The following AFF3 variants were observed in gnomAD, a reference collection of about 807,000 sequenced individuals.
AFF3 encodes ALF transcription elongation factor 3, also known as AF4/FMR2 family member 3.
A neutral mutation model predicts 129.7 loss-of-function variants in AFF3; 32 were observed. That is an observed-to-expected ratio of 0.25 (90% confidence interval 0.19 to 0.33). The LOEUF is 0.33. Ranked by LOEUF, AFF3 falls within the 10% of genes least tolerant of loss-of-function variation. The probability of loss-of-function intolerance (pLI) is 1.00; values close to 1 mark genes in which losing one functional copy is unlikely to be tolerated. For missense variants in AFF3, 1,373 were observed against 1,592.0 expected, an observed-to-expected ratio of 0.86 and a Z score of 2.34; for synonymous variants, 644 against 635.4, an observed-to-expected ratio of 1.01 and a Z score of -0.20.
chr2:99,866,524 C>A (rs1192080603), intron 7 of AFF3, among the ~76,000 whole-genome samples: 2 of 151,710 alleles, frequency 1.3e-5, no homozygotes, highest in Non-Finnish European at 2.9e-5. Context: ...GAAACTGCCA[C>A]CATCATCACC....
At chr2:99,681,919 T>TG (rs1183822572) in intron 11 of AFF3, among the ~76,000 whole-genome samples, 1 of 151,378 alleles carries the variant, frequency 6.6e-6, no homozygotes, top group Non-Finnish European at 1.5e-5. Flanking sequence ...TTTTTTTTTT[T>TG]TTTTTGAGAC....
chr2:99,713,702 A>ATT (rs568894995), intron 11 of AFF3, among the ~76,000 whole-genome samples: 1 of 144,248 alleles, frequency 6.9e-6, no homozygotes. Flanking sequence ...TAGACTCCCT[A>ATT]TTTTTTTTTT....
intron 7 of AFF3, among the ~76,000 whole-genome samples, chr2:99,991,036 C>G (rs923024174): frequency 6.6e-6 from 1 of 152,118 alleles, no homozygotes; most frequent in African/African-American, 2.4e-5. Context: ...CCAACCTTCA[C>G]GAACCTTTAT....
chr2:99,920,748 T>G (rs1305545447), intron 7 of AFF3, among the ~76,000 whole-genome samples: 1 of 151,796 alleles, frequency 6.6e-6, no homozygotes, highest in African/African-American at 2.4e-5. Flanking sequence ...AAGGAAGAAG[T>G]GAAACTCTAT....
At chr2:99,596,679 T>C (rs1679322364) in intron 14 of AFF3, among the ~76,000 whole-genome samples, 1 of 152,164 alleles carries the variant, frequency 6.6e-6, no homozygotes, top group Admixed American at 6.5e-5. Flanking sequence ...CCACATCTCA[T>C]ATGTGAGAGA....
chr2:99,731,233 C>T (rs1486753578), intron 10 of AFF3, among the ~76,000 whole-genome samples: 1 of 152,180 alleles, frequency 6.6e-6, no homozygotes, highest in Non-Finnish European at 1.5e-5. Flanking sequence ...GCTGGGATTA[C>T]AGGTGTAAGC....
At chr2:99,768,073 C>G (rs1049978720) in intron 8 of AFF3, among the ~76,000 whole-genome samples, 3 of 152,172 alleles carry the variant, frequency 2.0e-5, no homozygotes, top group Non-Finnish European at 2.9e-5. Context: ...TATTTTCAGT[C>G]TCAATTCCTG....
chr2:100,137,235 T>C (rs960609138), intron 1 of AFF3, among the ~76,000 whole-genome samples: 1 of 152,206 alleles, frequency 6.6e-6, no homozygotes, highest in Non-Finnish European at 1.5e-5. Context: ...CAGGATTTCA[T>C]GGTGTTTCCC....
chr2:99,621,091 G>T (rs764541417), intron 13 of AFF3, among the ~76,000 whole-genome samples: 10 of 152,186 alleles, frequency 6.6e-5, no homozygotes, highest in Non-Finnish European at 1.2e-4. Context: ...TATCCCTAGA[G>T]ATGCCTAACC....
intron 4 of AFF3, among the ~76,000 whole-genome samples, chr2:100,091,293 C>T (rs1689838618): frequency 2.0e-5 from 3 of 152,228 alleles, no homozygotes; most frequent in African/African-American, 7.2e-5. Context: ...AAACACAACA[C>T]CCTGAGGCCA....
chr2:99,598,780 T>TG (rs1679538039), intron 14 of AFF3, among the ~76,000 whole-genome samples: 1 of 152,214 alleles, frequency 6.6e-6, no homozygotes, highest in African/African-American at 2.4e-5. Context: ...TAAGGTGACC[T>TG]GGGCCAGCTC....
At chr2:99,640,190 T>C (rs1684060734) in intron 13 of AFF3, among the ~76,000 whole-genome samples, 1 of 152,178 alleles carries the variant, frequency 6.6e-6, no homozygotes, top group Non-Finnish European at 1.5e-5. Flanking sequence ...TTGATACTTG[T>C]TTTTCTATAA....
At chr2:99,740,110 A>G (rs1680593192) in intron 10 of AFF3, among the ~76,000 whole-genome samples, 1 of 151,396 alleles carries the variant, frequency 6.6e-6, no homozygotes, top group African/African-American at 2.4e-5. Flanking sequence ...ATGAGTTCCA[A>G]TTTCATCTAT....
chr2:100,093,719 G>A (rs958408764), intron 4 of AFF3, among the ~76,000 whole-genome samples: 7 of 152,080 alleles, frequency 4.6e-5, no homozygotes, highest in African/African-American at 9.7e-5. Flanking sequence ...TCTCCTGCAC[G>A]TAGACATGCT....
At chr2:100,126,418 G>A (rs556836584) in intron 2 of AFF3, among the ~76,000 whole-genome samples, 40 of 152,320 alleles carry the variant, frequency 2.6e-4, no homozygotes, top group African/African-American at 9.6e-4. Flanking sequence ...GACAGAAATA[G>A]ATGTGGATGC....
intron 8 of AFF3, among the ~76,000 whole-genome samples, chr2:99,762,416 T>G (rs1036424688): frequency 2.0e-5 from 3 of 152,188 alleles, no homozygotes; most frequent in African/African-American, 7.2e-5. Context: ...TCAGCCACCG[T>G]GCCCGGCCAA....
chr2:99,649,644 A>G lies in AFF3; in HGVS notation c.1166T>C (p.Leu389Pro), dbSNP rs772541507. 24 of 1,614,226 alleles carry G rather than the reference A, an allele frequency of 1.5e-5. 1 individual carries two copies. The South Asian group carries it at 2.5e-4, about 17-fold the overall frequency. The change falls in exon 13 of 25, where the codon CTC becomes CCC. Residue 389 changes from leucine to proline, a missense_variant. Leu to Pro is a moderately conservative substitution (Grantham distance 98). Around this residue, in one of 9 missense-constraint regions of AFF3, gnomAD observed 413 missense variants for 424.4 expected, o/e 0.97. Coordinates refer to ENST00000672756, the MANE Select transcript of AFF3 (RefSeq NM_001386135.1). The part of the protein sequence containing the change: ...NEQQAAQRTA[L>P]RALSDSAVVQ... ...AATGTACCTGTCAGAGAGAGCGCGGAGAGCCGTTCTCTGAGCTGCCTGCTG... is the reference window on the plus strand; with the variant it reads ...AATGTACCTGTCAGAGAGAGCGCGGGGAGCCGTTCTCTGAGCTGCCTGCTG...
intron 13 of AFF3, among the ~76,000 whole-genome samples, chr2:99,641,537 G>T (rs1434023780): frequency 4.6e-5 from 7 of 152,104 alleles, no homozygotes; most frequent in Admixed American, 1.3e-4. Context: ...AATCAGCTGG[G>T]TGTGGAGGTT....
intron 13 of AFF3, among the ~76,000 whole-genome samples, chr2:99,619,276 A>C (rs1239304677): frequency 6.6e-6 from 1 of 152,212 alleles, no homozygotes; most frequent in East Asian, 1.9e-4. Flanking sequence ...TTTGCATCTC[A>C]CCAAGGAATA....
Sources: gnomAD v4.1 joint callset for allele counts (sites outside exome capture counted in the v4.1 genomes callset) on GRCh38, gnomAD v4.1.1 for gene constraint, gnomAD v4.1.1 regional missense constraint, MANE v1.5 for transcripts, NCBI Gene and HGNC (gene_info 2026-07-23, HGNC 2026-07-21) for gene names.